UQCRC1: variants seen among roughly 807,000 people sequenced by gnomAD.
The protein encoded by UQCRC1 is ubiquinol-cytochrome c reductase core protein 1, also known as cytochrome b-c1 complex subunit 1, mitochondrial.
In UQCRC1, 34 loss-of-function variants were observed where a neutral mutation model predicts 58.0. The observed-to-expected ratio is 0.59, with a 90% CI of 0.45 to 0.78. The LOEUF is 0.78. Among genes scored for constraint, UQCRC1 ranks in the 30% least tolerant of loss-of-function variants. The probability of loss-of-function intolerance (pLI) is 0.00; values close to 1 mark genes in which losing one functional copy is unlikely to be tolerated. For missense variants in UQCRC1, 610 were observed against 646.0 expected, an observed-to-expected ratio of 0.94 and a Z score of 0.60; for synonymous variants, 276 against 248.8, an observed-to-expected ratio of 1.11 and a Z score of -1.03.
chr3:48,600,368 G>A, intron 10 of UQCRC1, 114 bp downstream of exon 10: 1 of 1,325,650 alleles, frequency 7.5e-7, no homozygotes, highest in Non-Finnish European at 1.1e-6. Context: ...ATGGGGCATG[G>A]CGTGGTCTTC....
chr3:48,609,560 G>C lies in UQCRC1; in HGVS notation c.61C>G (p.Arg21Gly). 1 of 1,566,898 alleles carries C rather than the reference G, an allele frequency of 6.4e-7. No homozygotes were observed. Among genetic ancestry groups the C allele is most frequent in the Non-Finnish European group, 8.6e-7 (1 of 1,161,770 alleles). Residue 21 changes from arginine (R) to glycine (G), a missense_variant, in exon 1 of 13, where the codon CGC becomes GGC. Physicochemically the swap from Arg to Gly is moderately radical, Grantham distance 125. Transcript: ENST00000203407. ...TCTCGCCACCACCTCACCGAGCGGC[G>C]GGCGCGCAATAGCACTTGTGCCCCG... is the stretch of plus-strand genomic sequence containing the variant. ...TAGAQVLLRA[R>G]RSPALLRTPA...
intron 6 of UQCRC1, among the ~76,000 whole-genome samples, chr3:48,602,101 A>G (rs1185740327): frequency 6.9e-6 from 1 of 145,370 alleles, no homozygotes; most frequent in Non-Finnish European, 1.5e-5. Context: ...CCCAGGCTGG[A>G]GCACAGTGGT....
At chr3:48,608,957 A>G (rs1005441209) in intron 2 of UQCRC1, among the ~76,000 whole-genome samples, 3 of 152,226 alleles carry the variant, frequency 2.0e-5, no homozygotes, top group Non-Finnish European at 2.9e-5. Flanking sequence ...ATTATATGCT[A>G]AATAATGTTG....
In UQCRC1 at chr3:48,604,695, T is replaced by C. The variant is rs1440617965; in HGVS notation, c.383A>G (p.His128Arg). ...AHLNAYSTRE[H>R]TAYYIKALSK... Reference sequence around the variant, plus strand: ...CAGCGCCTTGATGTAGTAAGCTGTGTGCTCCCGGGTGCTGTAGGCATTAAG... The same window carrying C: ...CAGCGCCTTGATGTAGTAAGCTGTGCGCTCCCGGGTGCTGTAGGCATTAAG... Residue 128 changes from histidine (H) to arginine (R), a missense_variant, in exon 4 of 13, where the codon CAC (histidine) becomes CGC (arginine). Coordinates refer to ENST00000203407, the MANE Select transcript of UQCRC1 (RefSeq NM_003365.3). 2.5e-6 allele frequency: 4 copies of C among 1,614,082 alleles called. No homozygotes were observed. Among genetic ancestry groups the C allele is most frequent in the East Asian group, 4.5e-5 (2 of 44,896 alleles).
chr3:48,605,568 G>A (rs2046404050), intron 3 of UQCRC1, among the ~76,000 whole-genome samples: 1 of 152,148 alleles, frequency 6.6e-6, no homozygotes, highest in African/African-American at 2.4e-5. Flanking sequence ...GGTCCTCTTG[G>A]CTCTGAGGGC....
chr3:48,601,237 C>T (rs1408600499), intron 7 of UQCRC1, 115 bp downstream of exon 7: 2 of 1,534,662 alleles, frequency 1.3e-6, no homozygotes, highest in Non-Finnish European at 1.8e-6. Context: ...GCAGCAGCCA[C>T]AGAACCCCTT....
Position 48,599,209 on chromosome 3 carries a change from G to A in UQCRC1, c.1379-17C>T, listed in dbSNP as rs762578133. On this transcript the variant is annotated splice_polypyrimidine_tract_variant and intron_variant, in intron 12 of 12. Transcript: ENST00000203407. ...CAATGGGGCCTGTGGGGATAGGGTG[G>A]AGCGTCAGGGTGGGGTACCTGGCCT... 19 of 1,586,686 alleles carry A rather than the reference G, an allele frequency of 1.2e-5. No homozygotes were observed. The highest frequency in any genetic ancestry group is 1.5e-5 in the Non-Finnish European group (17 of 1,162,766).
Position 48,604,311 on chromosome 3 carries a change from A to C in UQCRC1, c.548T>G (p.Val183Gly), listed in dbSNP as rs1559456934. 2 of 1,613,936 alleles carry C rather than the reference A, an allele frequency of 1.2e-6. No individual in the cohort carries two copies. The highest frequency in any genetic ancestry group is 1.7e-6 in the Non-Finnish European group (2 of 1,180,026). Reference sequence around the variant, plus strand: ...TGCTGTGGCATGCAGGTAGTTAAAGACCACATCTCGCATAGATGCATCATT... The same window carrying C: ...TGCTGTGGCATGCAGGTAGTTAAAGCCCACATCTCGCATAGATGCATCATT... ...QENDASMRDV[V>G]FNYLHATAFQ... Residue 183 changes from valine to glycine, a missense_variant, in exon 5 of 13, where the codon GTC (valine) becomes GGC (glycine). Val to Gly is a moderately radical substitution (Grantham distance 109, BLOSUM62 -3). Transcript: ENST00000203407.
At chr3:48,607,368 G>C (rs568867202) in intron 2 of UQCRC1, among the ~76,000 whole-genome samples, 45 of 151,902 alleles carry the variant, frequency 3.0e-4, no homozygotes, top group African/African-American at 1.0e-3. Flanking sequence ...GTAGAGGCGG[G>C]GTTTCACCAT....
At chr3:48,609,023 G>T (rs2046438210) in intron 2 of UQCRC1, 139 bp downstream of exon 2, 4 of 1,177,586 alleles carry the variant, frequency 3.4e-6, no homozygotes, top group South Asian at 1.6e-5. Flanking sequence ...AGGGAATGGG[G>T]CCATTCTCGG....
chr3:48,600,041 C>T lies in UQCRC1; in HGVS notation c.1302+22G>A, dbSNP rs373520913. On this transcript the variant is annotated intron_variant, in intron 11 of 12. Coordinates refer to ENST00000203407, the MANE Select transcript of UQCRC1 (RefSeq NM_003365.3). ...GTCTGCCAGGCCAAGACTCCAGAAC[C>T]TCTCCCAGGGGTCCATGTTACCGCA... 225 of 1,613,986 alleles carry T rather than the reference C, an allele frequency of 1.4e-4. No individual in the cohort carries two copies. The Middle Eastern group carries it at 2.5e-3, about 18-fold the overall frequency.
intron 6 of UQCRC1, 33 bp from the exon 7 acceptor site, chr3:48,601,500 C>G (rs760910384): frequency 1.9e-6 from 3 of 1,604,742 alleles, no homozygotes; most frequent in Non-Finnish European, 2.6e-6. Flanking sequence ...TACTGACCAG[C>G]CAGGGCCCAA....
intron 1 of UQCRC1, 84 bp from the exon 2 acceptor site, chr3:48,609,386 CCG>C: frequency 6.5e-7 from 1 of 1,536,946 alleles, no homozygotes; most frequent in South Asian, 1.2e-5. Flanking sequence ...CCCCCGAACC[CCG>C]CCCCTAGGCA....
At chr3:48,600,892 T>C in intron 8 of UQCRC1, 52 bp from the exon 9 acceptor site, 2 of 1,612,002 alleles carry the variant, frequency 1.2e-6, no homozygotes, top group Non-Finnish European at 1.7e-6. Context: ...CAACGCACAC[T>C]GTGACCCCCA....
intron 6 of UQCRC1, among the ~76,000 whole-genome samples, chr3:48,602,570 C>T (rs1015313079): frequency 1.5e-4 from 23 of 150,000 alleles, no homozygotes; most frequent in African/African-American, 5.4e-4. Context: ...TTGTGCAGGC[C>T]GGAGTGCAGT....
At chr3:48,606,446 T>C (rs1044037320) in intron 2 of UQCRC1, among the ~76,000 whole-genome samples, 1 of 152,204 alleles carries the variant, frequency 6.6e-6, no homozygotes, top group Non-Finnish European at 1.5e-5. Flanking sequence ...GCCTCCTGGT[T>C]GCTGTGAAAC....
intron 3 of UQCRC1, among the ~76,000 whole-genome samples, chr3:48,605,005 G>A (rs990299245): frequency 6.6e-6 from 1 of 152,180 alleles, no homozygotes; most frequent in South Asian, 2.1e-4. Flanking sequence ...CCAGGGCCAG[G>A]ACTGAAGGGC....
intron 2 of UQCRC1, among the ~76,000 whole-genome samples, chr3:48,606,674 G>T (rs979578411): frequency 4.6e-5 from 7 of 151,570 alleles, no homozygotes; most frequent in African/African-American, 1.7e-4. Flanking sequence ...AACCCAAGAG[G>T]CAGAGGATGT....
intron 4 of UQCRC1, 33 bp from the exon 5 acceptor site, chr3:48,604,464 G>A (rs541165606): frequency 3.7e-5 from 59 of 1,609,792 alleles, no homozygotes; most frequent in Non-Finnish European, 4.7e-5. Flanking sequence ...TAGGTGCCAG[G>A]TGGACCACTG....
Sources: allele counts gnomAD v4.1 joint callset (sites outside exome capture counted in the v4.1 genomes callset), GRCh38; gene constraint gnomAD v4.1.1; transcripts MANE v1.5; gene names NCBI Gene and HGNC (gene_info 2026-07-23, HGNC 2026-07-21).